The following PPP1R36 variants were observed in gnomAD, a reference collection of about 807,000 sequenced individuals.
PPP1R36 encodes chromosome 14 open reading frame 50.
Under a neutral mutation model 53.4 loss-of-function variants are expected in PPP1R36, and 47 were observed. The ratio of observed to expected loss-of-function variants is 0.88; its 90% confidence interval spans 0.70 to 1.12. PPP1R36 has a LOEUF of 1.12. Among genes scored for constraint, PPP1R36 ranks in the 50% most tolerant of loss-of-function variants. The pLI is 0.00. For synonymous variants in PPP1R36, 153 were observed against 170.5 expected, an observed-to-expected ratio of 0.90 and a Z score of 0.80; for missense variants, 456 against 513.9, an observed-to-expected ratio of 0.89 and a Z score of 1.09.
At chr14:64,584,067 A>T (rs903505368) in intron 8 of PPP1R36, among the ~76,000 whole-genome samples, 1 of 151,870 alleles carries the variant, frequency 6.6e-6, no homozygotes, top group Admixed American at 6.6e-5. Context: ...ACGCCCGGCT[A>T]ATTTTTGTAT....
intron 8 of PPP1R36, among the ~76,000 whole-genome samples, chr14:64,580,425 A>G (rs2080379453): frequency 6.6e-6 from 1 of 152,372 alleles, no homozygotes; most frequent in South Asian, 2.1e-4. Flanking sequence ...TAGAGAATTT[A>G]TAATATTTTT....
Position 64,549,985 on chromosome 14 carries a change from C to G in PPP1R36, c.-13C>G, listed in dbSNP as rs762173504. 1 of 1,562,250 alleles carries G rather than the reference C, an allele frequency of 6.4e-7. No homozygotes were observed. Among genetic ancestry groups the G allele is most frequent in the Non-Finnish European group, 8.7e-7 (1 of 1,153,094 alleles). On this transcript the variant is annotated 5_prime_UTR_variant, in exon 1 of 12. Transcript: ENST00000298705. ...TATCCTCGGCGACGCCGTATGGCTT[C>G]CAGGGCGAGGCCATGTACCGGGTGC... is the stretch of plus-strand genomic sequence containing the variant.
chr14:64,550,057 C>T lies in PPP1R36; in HGVS notation c.60C>T (p.Tyr20=), dbSNP rs2080081730. The T allele has an allele frequency of 1.3e-6, 2 of 1,565,328 alleles. No individual in the cohort carries two copies. Among genetic ancestry groups the T allele is most frequent in the South Asian group, 1.2e-5 (1 of 85,036 alleles). The change falls in exon 1 of 12, where the codon TAC becomes TAT. Residue 20 remains tyrosine (Y), a synonymous_variant. Transcript: ENST00000298705. The part of the protein sequence containing the change: ...RRKRLGGQTP[Y]LMDQLGLRLG... ...AGCGGTTAGGTGGGCAGACCCCTTA[C>T]TTGATGGATGTAAGTGCAGCCTTGG...
Position 64,587,182 on chromosome 14 carries a change from T to C in PPP1R36, c.712-12T>C, listed in dbSNP as rs150438427. 16 of 1,593,528 alleles carry C rather than the reference T, an allele frequency of 1.0e-5. No homozygotes were observed. In the Middle Eastern group the frequency reaches 6.7e-4, roughly 67 times the overall value. ...GCTAAGGATCGTGATTCTTGTCTAT[T>C]TTTTGTTGTAGTCCTTTTATACTTT... On this transcript the variant is annotated splice_polypyrimidine_tract_variant and intron_variant, in intron 9 of 11. Coordinates refer to ENST00000298705, the MANE Select transcript of PPP1R36 (RefSeq NM_172365.3).
At chr14:64,580,318 T>A (rs73269748) in intron 8 of PPP1R36, among the ~76,000 whole-genome samples, 145 of 152,306 alleles carry the variant, frequency 9.5e-4, no homozygotes, top group African/African-American at 3.2e-3. Flanking sequence ...AAATTTTTTT[T>A]AAATTTCTCA....
chr14:64,565,498 C>A, intron 5 of PPP1R36, 44 bp downstream of exon 5: 1 of 1,451,476 alleles, frequency 6.9e-7, no homozygotes, highest in Non-Finnish European at 9.7e-7. Flanking sequence ...TACATCTGTA[C>A]ATACATACAC....
At chr14:64,559,686 C>T (rs2080188785) in intron 3 of PPP1R36, among the ~76,000 whole-genome samples, 1 of 152,200 alleles carries the variant, frequency 6.6e-6, no homozygotes, top group African/African-American at 2.4e-5. Flanking sequence ...TATATGGTCC[C>T]AGACAAAGTA....
At chr14:64,552,976 T>A (rs77325213) in intron 3 of PPP1R36, 115 bp downstream of exon 3, 3 of 358,962 alleles carry the variant, frequency 8.4e-6, no homozygotes, top group Admixed American at 5.1e-5. Flanking sequence ...TAAGTGCCAA[T>A]TTTTTTTTTT....
intron 8 of PPP1R36, among the ~76,000 whole-genome samples, chr14:64,579,199 C>A (rs2080366996): frequency 6.6e-6 from 1 of 152,112 alleles, no homozygotes; most frequent in African/African-American, 2.4e-5. Context: ...ATAATACGTA[C>A]AACAAACCCC....
intron 3 of PPP1R36, among the ~76,000 whole-genome samples, chr14:64,564,033 C>T (rs1006020455): frequency 1.3e-5 from 2 of 152,200 alleles, no homozygotes; most frequent in South Asian, 2.1e-4. Flanking sequence ...CATAGCAGAT[C>T]GTCGGTATAG....
chr14:64,571,070 C>T (rs998879125), intron 7 of PPP1R36, among the ~76,000 whole-genome samples: 11 of 152,032 alleles, frequency 7.2e-5, no homozygotes, highest in Non-Finnish European at 1.0e-4. Flanking sequence ...TTTATCTGTC[C>T]GTAATTAGAA....
At chr14:64,572,918 C>T (rs2080314289) in intron 7 of PPP1R36, among the ~76,000 whole-genome samples, 1 of 152,104 alleles carries the variant, frequency 6.6e-6, no homozygotes, top group Non-Finnish European at 1.5e-5. Context: ...TGGGGTGCAT[C>T]TGGAGGGGTG....
rs1313513170 is a variant in PPP1R36, at chr14:64,550,055, T to G, written c.58T>G (p.Tyr20Asp). 3.8e-6 allele frequency: 6 copies of G among 1,566,214 alleles called. No individual in the cohort carries two copies. Among genetic ancestry groups the G allele is most frequent in the Non-Finnish European group, 5.2e-6 (6 of 1,155,224 alleles). ...GAAGCGGTTAGGTGGGCAGACCCCT[T>G]ACTTGATGGATGTAAGTGCAGCCTT... ...RRKRLGGQTP[Y>D]LMDQLGLRLG... The change falls in exon 1 of 12, where the codon TAC (tyrosine) becomes GAC (aspartate). Residue 20 changes from tyrosine (Y) to aspartate (D), a missense_variant. Transcript: ENST00000298705.
Position 64,574,449 on chromosome 14 carries a change from CAT to C in PPP1R36, c.534-5_534-4del. 6.2e-7 allele frequency: 1 copy of C among 1,604,062 alleles called. No individual in the cohort carries two copies. Among genetic ancestry groups the C allele is most frequent in the Non-Finnish European group, 8.5e-7 (1 of 1,176,942 alleles). On this transcript the variant is annotated splice_polypyrimidine_tract_variant and splice_region_variant and intron_variant, in intron 7 of 11. Coordinates refer to ENST00000298705, the MANE Select transcript of PPP1R36 (RefSeq NM_172365.3). ...CAAATTCTCTTTTTTTTGTCCTCCC[CAT>C]CAGAGGCCTTGTAGAGAAAAAAGAA...
At chr14:64,570,336 G>A (rs1332954837) in intron 7 of PPP1R36, among the ~76,000 whole-genome samples, 1 of 152,048 alleles carries the variant, frequency 6.6e-6, no homozygotes, top group Non-Finnish European at 1.5e-5. Flanking sequence ...ACAAAAATTA[G>A]CCAGGCGTGG....
intron 3 of PPP1R36, 96 bp from the exon 4 acceptor site, chr14:64,564,655 A>G: frequency 1.3e-6 from 1 of 757,574 alleles, no homozygotes; most frequent in Middle Eastern, 2.5e-4. Flanking sequence ...ATCTGCTGAT[A>G]ATATATGCTA....
chr14:64,585,656 G>A (rs1315300922), intron 8 of PPP1R36, among the ~76,000 whole-genome samples: 1 of 152,144 alleles, frequency 6.6e-6, no homozygotes, highest in African/African-American at 2.4e-5. Context: ...ATTGGGAGGT[G>A]GGAGGATTGC....
chr14:64,580,922 G>A (rs2080383679), intron 8 of PPP1R36, among the ~76,000 whole-genome samples: 1 of 152,154 alleles, frequency 6.6e-6, no homozygotes, highest in Admixed American at 6.5e-5. Flanking sequence ...GAAGTGAACT[G>A]GGGTCCGCTT....
intron 8 of PPP1R36, 38 bp downstream of exon 8, chr14:64,574,627 A>T (rs373563222): frequency 1.3e-6 from 2 of 1,571,150 alleles, no homozygotes; most frequent in Non-Finnish European, 1.7e-6. Context: ...TCATCACTCC[A>T]TCATAGACTC....
Sources: gnomAD v4.1 joint callset for allele counts (sites outside exome capture counted in the v4.1 genomes callset) on GRCh38, gnomAD v4.1.1 for gene constraint, MANE v1.5 for transcripts, NCBI Gene and HGNC (gene_info 2026-07-23, HGNC 2026-07-21) for gene names.